Variants in NCOR2 observed in about 807,000 individuals in gnomAD.
NCOR2 encodes CTG repeat protein 26.
Under a neutral mutation model 262.9 loss-of-function variants are expected in NCOR2, and 81 were observed. That is an observed-to-expected ratio of 0.31 (90% CI 0.26 to 0.37). The LOEUF (loss-of-function observed/expected upper bound fraction) is 0.37. Ranked by LOEUF, NCOR2 falls within the 10% of genes least tolerant of loss-of-function variation. The pLI is 1.00. For synonymous variants in NCOR2, 1,659 were observed against 1,559.3 expected, an observed-to-expected ratio of 1.06 and a Z score of -1.51; for missense variants, 3,385 against 3,621.4, an observed-to-expected ratio of 0.93 and a Z score of 1.68.
chr12:124,480,072 A>G (rs1490536667), intron 3 of NCOR2, among the ~76,000 whole-genome samples: 1 of 152,180 alleles, frequency 6.6e-6, no homozygotes, highest in Non-Finnish European at 1.5e-5. Flanking sequence ...CAGCCTCCTG[A>G]TAAAGGAGGT....
rs2035253659 is a variant in NCOR2 at position 124,332,148 on chromosome 12, C to T, written c.6904+171G>A. 3.9e-6 allele frequency: 3 copies of T among 761,606 alleles called. No homozygotes were observed. The Admixed American group carries it at 8.6e-5, about 22-fold the overall frequency. 47.2% of individuals were successfully genotyped at this position (761,606 alleles called of 1,614,324 possible). On this transcript the variant is annotated intron_variant, in intron 43 of 46. Coordinates refer to ENST00000405201, the Ensembl canonical transcript of NCOR2. ...AAGCCCAGCAAATCAAGAAACTGCC[C>T]TGGGGCTCCCCAAATGTGAGGCAAA...
At chr12:124,494,689 C>T (rs1480324610) in intron 1 of NCOR2, among the ~76,000 whole-genome samples, 5 of 152,224 alleles carry the variant, frequency 3.3e-5, no homozygotes, top group African/African-American at 4.8e-5. Flanking sequence ...CTCAGAGCCT[C>T]GAGCCGCACC....
chr12:124,328,193 C>T (rs1466919200), intron 44 of NCOR2, among the ~76,000 whole-genome samples: 2 of 7,126 alleles, frequency 2.8e-4, no homozygotes, highest in African/African-American at 3.9e-4. Flanking sequence ...GCTGCCCCAC[C>T]TCCACCTGTG....
intron 17 of NCOR2, among the ~76,000 whole-genome samples, chr12:124,384,822 G>T (rs1270764057): frequency 6.6e-6 from 1 of 152,096 alleles, no homozygotes; most frequent in Admixed American, 6.5e-5. Context: ...GCGGGGGGAG[G>T]AGTAGTCCTG....
At chr12:124,372,354 C>G (rs752191104) in exon 20 of NCOR2, 1 of 1,514,842 alleles carries the variant, frequency 6.6e-7, no homozygotes. Flanking sequence ...CCTCCTTCTC[C>G]TCCTTGGGGA....
In NCOR2 at chr12:124,520,794, A is replaced by G. The variant is rs376294288; in HGVS notation, c.-118+14771T>C. Among the ~76,000 whole-genome samples, 17 of 152,224 alleles carry G rather than the reference A, an allele frequency of 1.1e-4. No individual in the cohort carries two copies. The East Asian group carries it at 2.1e-3, about 19-fold the overall frequency. On this transcript the variant is annotated intron_variant, in intron 1 of 46. Coordinates refer to the NCOR2 transcript ENST00000404621. ...AGCCTTCGACGGCGACCACCCCTCC[A>G]TACTTCGAAAAAGCATCCCCTGGCC...
chr12:124,471,115 C>T (rs1251477350), intron 4 of NCOR2, among the ~76,000 whole-genome samples: 1 of 152,236 alleles, frequency 6.6e-6, no homozygotes, highest in Non-Finnish European at 1.5e-5. Context: ...GTCTCCAGGA[C>T]CGGGTCTCAC....
rs555565738 is a variant in NCOR2 at position 124,483,554 on chromosome 12, C to T, written c.411+42G>A. On this transcript the variant is annotated intron_variant, in intron 3 of 46. Transcript: ENST00000405201. This position sits in a 1 kb window ranked among gnomAD's most constrained non-coding sequence, Gnocchi z 6.3. ...CACCCAGCCCAACCAGCAGCAGAAC[C>T]TCAAGCGGGAGAGGAGCTCCCAGCT... is the stretch of plus-strand genomic sequence containing the variant. 1.3e-6 allele frequency: 2 copies of T among 1,504,920 alleles called. No homozygotes were observed. Among genetic ancestry groups the T allele is most frequent in the East Asian group, 2.4e-5 (1 of 41,844 alleles). 93.2% of individuals were successfully genotyped at this position (1,504,920 alleles called of 1,614,324 possible). A position where few individuals can be genotyped will look rare whatever the true frequency, so the allele number is the denominator to read the frequency against.
At chr12:124,359,362 G>C (rs1432142880) in intron 22 of NCOR2, among the ~76,000 whole-genome samples, 1 of 152,208 alleles carries the variant, frequency 6.6e-6, no homozygotes, top group Non-Finnish European at 1.5e-5. Context: ...GCGGAGGAGA[G>C]TGCTAAGATC....
intron 22 of NCOR2, among the ~76,000 whole-genome samples, chr12:124,361,366 C>T (rs1203682127): frequency 5.3e-5 from 8 of 152,248 alleles, no homozygotes; most frequent in African/African-American, 1.2e-4. Context: ...GCACCTGCTG[C>T]GTGCCAGGCT....
intron 44 of NCOR2, among the ~76,000 whole-genome samples, chr12:124,328,035 C>T (rs1385133153): frequency 6.6e-6 from 1 of 151,756 alleles, no homozygotes; most frequent in Non-Finnish European, 1.5e-5. Context: ...TTTTAAATCT[C>T]AAGTGGCCTT....
At chr12:124,390,407 T>G (rs1769145348) in intron 16 of NCOR2, among the ~76,000 whole-genome samples, 1 of 152,114 alleles carries the variant, frequency 6.6e-6, no homozygotes, top group South Asian at 2.1e-4. Context: ...AGATGTGCCT[T>G]GTCTTCCCTC....
chr12:124,336,693 G>A (rs2035937048), intron 38 of NCOR2, 60 bp downstream of exon 40: 2 of 1,590,204 alleles, frequency 1.3e-6, no homozygotes, highest in South Asian at 1.1e-5. Context: ...CCTTTATCGT[G>A]AGCAATTTGA....
intron 1 of NCOR2, among the ~76,000 whole-genome samples, chr12:124,553,489 T>A (rs769936894): frequency 1.3e-5 from 2 of 152,202 alleles, no homozygotes; most frequent in Non-Finnish European, 2.9e-5. Flanking sequence ...CAACAGGCGA[T>A]TCCCCAGGGT....
intron 1 of NCOR2, among the ~76,000 whole-genome samples, chr12:124,535,317 G>A (rs759883213): frequency 2.0e-5 from 3 of 152,184 alleles, no homozygotes; most frequent in Non-Finnish European, 4.4e-5. Context: ...CCTCTCAGGT[G>A]TCATCAAAAA....
At chr12:124,520,347 C>G (rs1463622964) in intron 1 of NCOR2, among the ~76,000 whole-genome samples, 1 of 152,236 alleles carries the variant, frequency 6.6e-6, no homozygotes, top group Non-Finnish European at 1.5e-5. Flanking sequence ...CCAGGCCAAA[C>G]TGGCCCCATG....
exon 20 of NCOR2, chr12:124,372,290 C>A: frequency 6.5e-7 from 1 of 1,543,842 alleles, no homozygotes; most frequent in South Asian, 1.2e-5. Context: ...TCCTCAGCCG[C>A]GGGGGGCTTC....
chr12:124,473,149 C>A lies in NCOR2; in HGVS notation c.412-18G>T. ...CTACGGTCCTGTGGCAGAAAAAAAACGGGCATGGGGTCAGCACAGGGGACA... is the reference window on the plus strand; with the variant it reads ...CTACGGTCCTGTGGCAGAAAAAAAAAGGGCATGGGGTCAGCACAGGGGACA... On this transcript the variant is annotated intron_variant, in intron 3 of 46. Transcript: ENST00000405201. 2 of 1,612,942 alleles carry A rather than the reference C, an allele frequency of 1.2e-6. No homozygotes were observed. Among genetic ancestry groups the A allele is most frequent in the Non-Finnish European group, 1.7e-6 (2 of 1,179,916 alleles).
intron 3 of NCOR2, among the ~76,000 whole-genome samples, chr12:124,476,154 T>G (rs1393241638): frequency 6.6e-6 from 1 of 152,128 alleles, no homozygotes; most frequent in Non-Finnish European, 1.5e-5. Flanking sequence ...GGACAGCTCA[T>G]GCGTCTGGCA....
Sources: allele counts gnomAD v4.1 joint callset (sites outside exome capture counted in the v4.1 genomes callset), GRCh38; gene constraint gnomAD v4.1.1; non-coding constraint Gnocchi (gnomAD v3.1); transcripts MANE v1.5; gene names NCBI Gene and HGNC (gene_info 2026-07-23, HGNC 2026-07-21).